ARHGAP26: variants seen among roughly 807,000 people sequenced by gnomAD.
ARHGAP26 encodes the protein Rho GTPase activating protein 26, also known as rho GTPase-activating protein 26.
ARHGAP26 carries 38 observed loss-of-function variants against 104.8 expected under a neutral mutation model. That is an observed-to-expected ratio of 0.36 (90% CI 0.28 to 0.48). The LOEUF is 0.48. ARHGAP26 is among the 20% of genes least tolerant of loss of function. The probability of loss-of-function intolerance (pLI) is 0.99; values close to 1 mark genes in which losing one functional copy is unlikely to be tolerated. For synonymous variants in ARHGAP26, 341 were observed against 340.0 expected (o/e 1.00, Z -0.03); for missense variants, 704 against 947.9 (o/e 0.74, Z 3.38).
intron 17 of ARHGAP26, among the ~76,000 whole-genome samples, chr5:143,107,588 A>C (rs1364422276): frequency 6.6e-6 from 1 of 152,218 alleles, no homozygotes; most frequent in Non-Finnish European, 1.5e-5. Context: ...AAAGCATTTT[A>C]GAACTTTGTC....
At chr5:143,031,379 C>T (rs963590867) in intron 12 of ARHGAP26, among the ~76,000 whole-genome samples, 1 of 152,162 alleles carries the variant, frequency 6.6e-6, no homozygotes, top group Non-Finnish European at 1.5e-5. Context: ...GAGGTTAATG[C>T]AGTCATCCTG....
intron 19 of ARHGAP26, among the ~76,000 whole-genome samples, chr5:143,137,437 C>G (rs948846602): frequency 1.3e-5 from 2 of 152,218 alleles, no homozygotes; most frequent in African/African-American, 4.8e-5. Context: ...TGACACCTGT[C>G]CTGGTTTGAT....
At chr5:142,951,054 C>G (rs1328064148) in intron 11 of ARHGAP26, among the ~76,000 whole-genome samples, 1 of 149,260 alleles carries the variant, frequency 6.7e-6, no homozygotes, top group Non-Finnish European at 1.5e-5. Context: ...TTCCCCTTCC[C>G]CTTCCCCCTC....
intron 17 of ARHGAP26, among the ~76,000 whole-genome samples, chr5:143,074,918 G>A (rs577072769): frequency 6.6e-6 from 1 of 152,206 alleles, no homozygotes; most frequent in African/African-American, 2.4e-5. Flanking sequence ...AGCCTAGAGG[G>A]TAGCATGGGC....
At chr5:143,219,057 A>T (rs979838399) in intron 22 of ARHGAP26, among the ~76,000 whole-genome samples, 17 of 152,232 alleles carry the variant, frequency 1.1e-4, no homozygotes, top group African/African-American at 3.9e-4. Flanking sequence ...AGGGTCTGCC[A>T]CCTGGCATGT....
At chr5:142,838,156 G>T (rs2152156068) in intron 1 of ARHGAP26, among the ~76,000 whole-genome samples, 1 of 152,162 alleles carries the variant, frequency 6.6e-6, no homozygotes, top group African/African-American at 2.4e-5. Context: ...TACTCAGGAG[G>T]CTGAGGCAGG....
intron 20 of ARHGAP26, among the ~76,000 whole-genome samples, chr5:143,148,238 G>C (rs963606098): frequency 3.3e-5 from 5 of 152,206 alleles, no homozygotes; most frequent in Non-Finnish European, 7.3e-5. Context: ...CTTCAGGGCA[G>C]TTGTTTCACG....
At chr5:142,998,865 C>G (rs1776804770) in intron 11 of ARHGAP26, among the ~76,000 whole-genome samples, 1 of 152,200 alleles carries the variant, frequency 6.6e-6, no homozygotes, top group Non-Finnish European at 1.5e-5. Context: ...TTCCAACCTG[C>G]TGTCCCTTTC....
At chr5:143,093,638 CTCTT>C (rs1220433665) in intron 17 of ARHGAP26, among the ~76,000 whole-genome samples, 1 of 151,838 alleles carries the variant, frequency 6.6e-6, no homozygotes, top group Non-Finnish European at 1.5e-5. Context: ...CTCTCTCTGC[CTCTT>C]TCTCTCTTTC....
At chr5:143,032,847 G>A (rs1782079323) in intron 12 of ARHGAP26, among the ~76,000 whole-genome samples, 1 of 152,086 alleles carries the variant, frequency 6.6e-6, no homozygotes, top group Admixed American at 6.6e-5. Context: ...GCATGCACAT[G>A]TGTGTGTGTG....
intron 1 of ARHGAP26, among the ~76,000 whole-genome samples, chr5:142,851,279 T>G (rs933549923): frequency 1.3e-5 from 2 of 152,142 alleles, no homozygotes; most frequent in Admixed American, 6.5e-5. Context: ...GTATTTTTAG[T>G]AGAGACGGGG....
At chr5:143,218,112 A>C (rs776876586) in intron 22 of ARHGAP26, among the ~76,000 whole-genome samples, 3 of 152,180 alleles carry the variant, frequency 2.0e-5, no homozygotes, top group Non-Finnish European at 4.4e-5. Context: ...ACAGACACTC[A>C]TGCCTTTGTG....
chr5:142,859,644 A>G (rs138644599), intron 1 of ARHGAP26: 77 of 152,364 alleles, frequency 5.1e-4, no homozygotes, highest in African/African-American at 1.9e-3. Context: ...TTCCAAGAAC[A>G]GTGGAAATGT....
intron 8 of ARHGAP26, among the ~76,000 whole-genome samples, chr5:142,904,099 C>A (rs1309904310): frequency 1.3e-5 from 2 of 152,010 alleles, no homozygotes; most frequent in African/African-American, 2.4e-5. Context: ...CAGCAAGGCC[C>A]AAACAATCAT....
At chr5:143,096,881 A>G (rs1347449116) in intron 17 of ARHGAP26, among the ~76,000 whole-genome samples, 2 of 152,194 alleles carry the variant, frequency 1.3e-5, no homozygotes, top group Non-Finnish European at 2.9e-5. Flanking sequence ...TCCTAAAGAA[A>G]ATAAAAATCA....
At chr5:143,199,548 A>G (rs1449025568) in intron 20 of ARHGAP26, among the ~76,000 whole-genome samples, 2 of 152,144 alleles carry the variant, frequency 1.3e-5, no homozygotes, top group Non-Finnish European at 2.9e-5. Context: ...ATTTTCATGG[A>G]ATTTTCTTCT....
At chr5:143,081,115 G>A (rs1017274287) in intron 17 of ARHGAP26, among the ~76,000 whole-genome samples, 5 of 151,980 alleles carry the variant, frequency 3.3e-5, no homozygotes, top group Non-Finnish European at 7.4e-5. Flanking sequence ...TGGGTGTTGG[G>A]GTAAAGACAC....
chr5:142,971,756 A>T (rs1772308509), intron 11 of ARHGAP26, among the ~76,000 whole-genome samples: 1 of 152,238 alleles, frequency 6.6e-6, no homozygotes, highest in African/African-American at 2.4e-5. Flanking sequence ...CATACCCTCA[A>T]CTTTTTCAAT....
At chr5:143,164,197 A>G (rs1801637221) in intron 20 of ARHGAP26, among the ~76,000 whole-genome samples, 1 of 152,220 alleles carries the variant, frequency 6.6e-6, no homozygotes, top group South Asian at 2.1e-4. Context: ...CTGACCTTAT[A>G]TGGAAAAGGA....
Sources: allele counts gnomAD v4.1 joint callset (sites outside exome capture counted in the v4.1 genomes callset), GRCh38; gene constraint gnomAD v4.1.1; transcripts MANE v1.5; gene names NCBI Gene and HGNC (gene_info 2026-07-23, HGNC 2026-07-21).